MYO7A: variants seen among roughly 807,000 people sequenced by gnomAD.
MYO7A encodes unconventional myosin-VIIa.
MYO7A carries 210 observed loss-of-function variants against 263.8 expected under a neutral mutation model. The observed-to-expected ratio is 0.80, with a 90% CI of 0.71 to 0.89. The LOEUF (loss-of-function observed/expected upper bound fraction) is 0.89. MYO7A is among the 40% of genes least tolerant of loss of function. MYO7A has a pLI of 0.00. For missense variants in MYO7A, 2,820 were observed against 2,968.3 expected, an observed-to-expected ratio of 0.95 and a Z score of 1.16; for synonymous variants, 1,239 against 1,197.3, an observed-to-expected ratio of 1.03 and a Z score of -0.72.
At chr11:77,205,964 C>T in intron 40 of MYO7A, 133 bp from the exon 41 acceptor site, 1 of 745,056 alleles carries the variant, frequency 1.3e-6, no homozygotes, top group Non-Finnish European at 2.3e-6. Context: ...CTCTGGGAGA[C>T]TCAGTGGCCG....
chr11:77,195,663 T>C (rs1395506253), intron 32 of MYO7A, among the ~76,000 whole-genome samples: 1 of 152,234 alleles, frequency 6.6e-6, no homozygotes, highest in African/African-American at 2.4e-5. Context: ...AGCCCACAGC[T>C]GAGCTGGGTC....
At chr11:77,202,547 G>C in intron 37 of MYO7A, 123 bp downstream of exon 37, 2 of 1,269,758 alleles carry the variant, frequency 1.6e-6, no homozygotes, top group Non-Finnish European at 2.1e-6. Context: ...CTGGGTCAGA[G>C]GGAGCTGGAG....
At position 77,203,002 on chromosome 11, in the gene MYO7A, G is replaced by T. The variant is rs1159669649; in HGVS notation, c.5169-58G>T. 8 of 1,531,798 alleles carry T rather than the reference G, an allele frequency of 5.2e-6. No individual in the cohort carries two copies. In the African/African-American group the frequency reaches 8.2e-5, roughly 16 times the overall value. 94.9% of individuals were successfully genotyped at this position (1,531,798 alleles called of 1,614,324 possible). On this transcript the variant is annotated intron_variant, in intron 37 of 48. Transcript: ENST00000409709. ...GGGGTGGGGGTCTCACAACCTGGGG[G>T]TTTCTCCCCGGGGCTGCCAGCGATG... is the stretch of plus-strand genomic sequence containing the variant.
intron 4 of MYO7A, 48 bp from the exon 5 acceptor site, chr11:77,155,859 A>C: frequency 3.3e-6 from 5 of 1,504,978 alleles, no homozygotes; most frequent in Non-Finnish European, 4.5e-6. Flanking sequence ...CTAGAGTCAG[A>C]GTCTCCCACA....
At chr11:77,129,341 A>G (rs1487436375) in intron 1 of MYO7A, among the ~76,000 whole-genome samples, 1 of 152,204 alleles carries the variant, frequency 6.6e-6, no homozygotes, top group Non-Finnish European at 1.5e-5. Context: ...CCAGAGCTCC[A>G]GGGCAGGGGT....
Position 77,184,577 on chromosome 11 carries a change from C to G in MYO7A, c.3376-11C>G. The G allele has an allele frequency of 6.4e-7, 1 of 1,557,436 alleles. No homozygotes were observed. Reference sequence around the variant, plus strand: ...TAACTTTACCTGCCCTGTCCTCTCCCTCTGGCCCAGGTGACCAAGAGGCTG... The same window carrying G: ...TAACTTTACCTGCCCTGTCCTCTCCGTCTGGCCCAGGTGACCAAGAGGCTG... On this transcript the variant is annotated splice_polypyrimidine_tract_variant and intron_variant, in intron 26 of 48. Coordinates refer to ENST00000409709, the MANE Select transcript of MYO7A (RefSeq NM_000260.4).
At chr11:77,182,775 T>G (rs1251716772) in intron 25 of MYO7A, among the ~76,000 whole-genome samples, 175 bp downstream of exon 25, 2 of 152,350 alleles carry the variant, frequency 1.3e-5, no homozygotes, top group African/African-American at 4.8e-5. Context: ...TGTGCAACTT[T>G]TATAAACTGT....
chr11:77,204,119 C>T lies in MYO7A; in HGVS notation c.5370C>T (p.Arg1790=). The T allele has an allele frequency of 6.2e-7, 1 of 1,600,712 alleles. No individual in the cohort carries two copies. The highest frequency in any genetic ancestry group is 1.3e-5 in the African/African-American group (1 of 74,650). ...YMGDYPSKRT[R]SVNELTDQIF... is the part of the protein sequence containing the mutation. ...GCGACTACCCGTCCAAGAGGACACG[C>T]TCCGTCAACGAGCTCACCGACCAGA... The change falls in exon 39 of 49, where the codon CGC becomes CGT. Residue 1790 remains arginine (R), a synonymous_variant. Coordinates refer to ENST00000409709, the MANE Select transcript of MYO7A (RefSeq NM_000260.4).
At chr11:77,160,109 G>A (rs1240621639) in intron 10 of MYO7A, 54 bp from the exon 11 acceptor site, 4 of 1,533,518 alleles carry the variant, frequency 2.6e-6, no homozygotes, top group Non-Finnish European at 3.5e-6. Flanking sequence ...TCCGGGTGTG[G>A]GTGGAGGGAG....
intron 20 of MYO7A, among the ~76,000 whole-genome samples, chr11:77,179,378 GATT>G (rs1355621312): frequency 2.6e-5 from 4 of 152,344 alleles, no homozygotes; most frequent in Middle Eastern, 6.8e-3. Flanking sequence ...AGCACTCTGG[GATT>G]ATTAGAGATC....
chr11:77,207,730 A>G (rs1957547312), intron 42 of MYO7A, among the ~76,000 whole-genome samples: 1 of 152,206 alleles, frequency 6.6e-6, no homozygotes, highest in Admixed American at 6.5e-5. Context: ...ATGCTGGGGC[A>G]AATTAACCCT....
At chr11:77,142,415 A>C (rs1951267610) in intron 2 of MYO7A, 1 of 472,964 alleles carries the variant, frequency 2.1e-6, no homozygotes, top group Middle Eastern at 3.3e-4. Flanking sequence ...TAGGGTGTAG[A>C]TCCATGGGGA....
At chr11:77,204,578 G>C (rs1424412145) in intron 39 of MYO7A, among the ~76,000 whole-genome samples, 8 of 152,232 alleles carry the variant, frequency 5.3e-5, no homozygotes, top group Admixed American at 4.6e-4. Context: ...CCTGGTGCAG[G>C]CTGGGCCGGC....
intron 31 of MYO7A, 27 bp downstream of exon 31, chr11:77,192,305 G>T: frequency 1.9e-6 from 3 of 1,606,852 alleles, no homozygotes; most frequent in Non-Finnish European, 2.6e-6. Context: ...CTTCCGCCAG[G>T]CTGGCTTGGC....
At chr11:77,135,822 A>T (rs7124742) in intron 2 of MYO7A, among the ~76,000 whole-genome samples, 58,009 of 152,014 alleles carry the variant, frequency 0.38, 13,577 homozygotes, top group African/African-American at 0.65. Context: ...GATTTGCATT[A>T]TCCTAATGAT....
Position 77,128,279 on chromosome 11 carries a change from G to GA in MYO7A, c.-256dup, listed in dbSNP as rs1460737747. 1.3e-5 allele frequency: 2 copies of GA among 152,584 alleles called. No homozygotes were observed. The highest frequency in any genetic ancestry group is 2.9e-5 in the Non-Finnish European group (2 of 68,342). 9.5% of individuals were successfully genotyped at this position (152,584 alleles called of 1,614,324 possible). The stretch of plus-strand genomic sequence containing the variant: ...CTGGACAGCTGCTCTGGGCAGGAGA[G>GA]AGAGGGAGAGACAAGAGACACACAC... On this transcript the variant is annotated 5_prime_UTR_variant, in exon 1 of 49. Transcript: ENST00000409709.
At position 77,179,780 on chromosome 11, in the gene MYO7A, AAGCTGCACC is replaced by A; in HGVS notation, c.2417_2425del (p.Leu806_Gln808del). The A allele has an allele frequency of 6.4e-7, 1 of 1,551,704 alleles. No homozygotes were observed. Among genetic ancestry groups the A allele is most frequent in the Non-Finnish European group, 8.7e-7 (1 of 1,150,088 alleles). On this transcript the variant is annotated inframe_deletion, in exon 21 of 49. Transcript: ENST00000409709. ...GCTGCAGGCCCTGCACCGCTCCCGG[AAGCTGCACC>A]AGCAGTACCGCCTGGCCCGCCAGCG...
chr11:77,162,336 C>T lies in MYO7A; in HGVS notation c.1554+6C>T. 6.4e-7 allele frequency: 1 copy of T among 1,551,138 alleles called. No homozygotes were observed. The highest frequency in any genetic ancestry group is 8.7e-7 in the Non-Finnish European group (1 of 1,146,908). On this transcript the variant is annotated splice_donor_region_variant and intron_variant, in intron 13 of 48. Transcript: ENST00000409709. Reference sequence around the variant, plus strand: ...AGGAGAGCAAGTTCCCCAAGGTGGGCCGGTCCTGCTGCCGCCTCCCAGGGT... The same window carrying T: ...AGGAGAGCAAGTTCCCCAAGGTGGGTCGGTCCTGCTGCCGCCTCCCAGGGT...
In MYO7A at chr11:77,180,384, G is replaced by A. The variant is rs199607235; in HGVS notation, c.2597G>A (p.Arg866His). ...GCCCCCTTCCCTCAGTATCTGTGGC[G>A]CCTCGAGGCTGAGAAAATGCGGCTG... ...HQRLRAEYLWRLEAEKMRLAE... is the reference protein window; with the variant it reads ...HQRLRAEYLWHLEAEKMRLAE... Residue 866 changes from arginine to histidine, a missense_variant, in exon 22 of 49, where the codon CGC becomes CAC. By Grantham distance (29) the Arg-to-His change is conservative (BLOSUM62 0). Transcript: ENST00000409709. The A allele has an allele frequency of 1.5e-5, 24 of 1,612,248 alleles. No individual in the cohort carries two copies. Among genetic ancestry groups the A allele is most frequent in the South Asian group, 3.3e-5 (3 of 90,844 alleles).
Sources: allele counts gnomAD v4.1 joint callset (sites outside exome capture counted in the v4.1 genomes callset), GRCh38; gene constraint gnomAD v4.1.1; transcripts MANE v1.5; gene names NCBI Gene and HGNC (gene_info 2026-07-23, HGNC 2026-07-21).